The following EMC3 variants were observed in gnomAD, a reference collection of about 807,000 sequenced individuals.
The protein encoded by EMC3 is ER membrane protein complex subunit 3.
Under a neutral mutation model 36.6 loss-of-function variants are expected in EMC3, and 13 were observed. That is an observed-to-expected ratio of 0.35 (90% CI 0.23 to 0.56). EMC3 has a LOEUF of 0.56. Ranked by LOEUF, EMC3 falls within the 20% of genes least tolerant of loss-of-function variation. EMC3 has a pLI of 0.84. For missense variants in EMC3, 220 were observed against 324.5 expected, an observed-to-expected ratio of 0.68 and a Z score of 2.47; for synonymous variants, 120 against 111.9, an observed-to-expected ratio of 1.07 and a Z score of -0.46.
intron 1 of EMC3, chr3:10,003,075 C>CT (rs765856437): frequency 5.0e-5 from 23 of 456,796 alleles, no homozygotes; most frequent in African/African-American, 4.6e-4. Flanking sequence ...TGGCCTACCC[C>CT]TATACCCAGA....
At chr3:10,006,324 T>C (rs887297883) in intron 1 of EMC3, 1 of 152,210 alleles carries the variant, frequency 6.6e-6, no homozygotes, top group African/African-American at 2.4e-5. Context: ...TTTGCCTGTC[T>C]CTACCAAAGA....
chr3:9,964,175 A>G lies in EMC3; in HGVS notation c.680T>C (p.Leu227Pro). ...ATCTAGTGCCCACTGGTGATCCGTC[A>G]GCTCCAAAGCTTCCCACTCTGTCTG... is the stretch of plus-strand genomic sequence containing the variant. ...AFKTEWEALE[L>P]TDHQWALDDV... The change falls in exon 8 of 8, where the codon CTG becomes CCG. Residue 227 changes from leucine to proline, a missense_variant. By Grantham distance (98) the Leu-to-Pro change is moderately conservative. Transcript: ENST00000245046. 1 of 1,614,184 alleles carries G rather than the reference A, an allele frequency of 6.2e-7. No homozygotes were observed. The highest frequency in any genetic ancestry group is 1.1e-5 in the South Asian group (1 of 91,084).
chr3:9,997,025 C>T (rs1472275410), intron 1 of EMC3, among the ~76,000 whole-genome samples: 2 of 152,062 alleles, frequency 1.3e-5, no homozygotes, highest in Non-Finnish European at 2.9e-5. Flanking sequence ...TACCACTATC[C>T]ATTTCTAGAA....
upstream of EMC3, among the ~76,000 whole-genome samples, chr3:9,990,876 TGTAGTGCA>T (rs1273112741): frequency 2.0e-5 from 3 of 151,636 alleles, no homozygotes; most frequent in African/African-American, 7.3e-5. Context: ...TCGCCCAGGC[TGTAGTGCA>T]GTGGCACGAT....
chr3:9,975,144 C>A (rs920886302), intron 3 of EMC3, among the ~76,000 whole-genome samples: 1 of 152,090 alleles, frequency 6.6e-6, no homozygotes, highest in Non-Finnish European at 1.5e-5. Flanking sequence ...GGATTACAGG[C>A]GTCAGCCACC....
At chr3:9,981,728 C>T (rs902758313) in intron 1 of EMC3, 5 of 440,394 alleles carry the variant, frequency 1.1e-5, no homozygotes, top group African/African-American at 1.0e-4. Flanking sequence ...AGCCATTGCA[C>T]CAGGCCTGAA....
At chr3:9,973,116 A>G (rs967123221) in intron 5 of EMC3, among the ~76,000 whole-genome samples, 1 of 149,422 alleles carries the variant, frequency 6.7e-6, no homozygotes, top group Non-Finnish European at 1.5e-5. Flanking sequence ...GAGCCACCGC[A>G]CCCAGCCAGA....
At position 9,986,734 on chromosome 3, in the gene EMC3, G is replaced by C; in HGVS notation, c.-73C>G. On this transcript the variant is annotated 5_prime_UTR_variant, in exon 1 of 8. Transcript: ENST00000245046. ...TCCGGGGCACAGTTGCTTCTCTTCG[G>C]CTTCGCCTCCGGGCCTTCTCAAGCC... 2 of 1,587,396 alleles carry C rather than the reference G, an allele frequency of 1.3e-6. No individual in the cohort carries two copies. Among genetic ancestry groups the C allele is most frequent in the Middle Eastern group, 2.0e-4 (1 of 5,060 alleles).
chr3:9,970,790 A>G (rs2085777375), intron 5 of EMC3, 129 bp from the exon 6 acceptor site: 1 of 766,754 alleles, frequency 1.3e-6, no homozygotes, highest in Non-Finnish European at 2.2e-6. Flanking sequence ...ATATTCATCC[A>G]AAGCACAACC....
intron 1 of EMC3, among the ~76,000 whole-genome samples, chr3:10,007,936 C>T (rs2086281924): frequency 6.6e-6 from 1 of 152,286 alleles, no homozygotes; most frequent in Non-Finnish European, 1.5e-5. Context: ...AAGAACAGGA[C>T]CAGGAAGCAA....
intron 1 of EMC3, among the ~76,000 whole-genome samples, chr3:9,982,185 C>G (rs1000626481): frequency 1.3e-5 from 2 of 151,576 alleles, no homozygotes; most frequent in African/African-American, 4.9e-5. Flanking sequence ...CCTGACCTCA[C>G]GTGATCCACC....
In EMC3 at chr3:9,986,685, T is replaced by A. The variant is rs2085977127; in HGVS notation, c.-24A>T. 4 of 1,612,786 alleles carry A rather than the reference T, an allele frequency of 2.5e-6. No homozygotes were observed. On this transcript the variant is annotated 5_prime_UTR_variant, in exon 1 of 8. Coordinates refer to ENST00000245046, the MANE Select transcript of EMC3 (RefSeq NM_001394674.1). ...ATCTTCACTGAAAGCTGGTTCCCAG[T>A]CTGGAATGGGCGAGCTTCTCTTCTC... is the stretch of plus-strand genomic sequence containing the variant.
At chr3:9,986,930 G>T (rs2085981855), upstream of EMC3, 1 of 1,243,522 alleles carries the variant, frequency 8.0e-7, no homozygotes. Context: ...AACTATCGGC[G>T]GTGGCCCAGG....
At chr3:9,971,705 C>T (rs2085786964) in intron 5 of EMC3, among the ~76,000 whole-genome samples, 1 of 152,184 alleles carries the variant, frequency 6.6e-6, no homozygotes, top group Admixed American at 6.5e-5. Flanking sequence ...GTAGAATAGA[C>T]TCATGCTACT....
intron 1 of EMC3, among the ~76,000 whole-genome samples, chr3:9,980,159 G>A (rs868308926): frequency 9.2e-5 from 14 of 151,724 alleles, no homozygotes; most frequent in Non-Finnish European, 1.9e-4. Context: ...GGTTACAGGC[G>A]CGCACCACCA....
intron 5 of EMC3, among the ~76,000 whole-genome samples, chr3:9,972,502 G>A (rs2085797299): frequency 6.6e-6 from 1 of 150,604 alleles, no homozygotes; most frequent in Admixed American, 6.6e-5. Context: ...CAGGCGTGGT[G>A]GCTCATGCCT....
At chr3:10,005,445 T>C (rs2086252955) in intron 1 of EMC3, among the ~76,000 whole-genome samples, 1 of 152,048 alleles carries the variant, frequency 6.6e-6, no homozygotes, top group Non-Finnish European at 1.5e-5. Context: ...GCCAGGGACA[T>C]ACAAAGCCTC....
At position 9,963,767 on chromosome 3, in the gene EMC3, C is replaced by T. The variant is rs1271976565; in HGVS notation, c.*302G>A. On this transcript the variant is annotated 3_prime_UTR_variant, in exon 8 of 8. Coordinates refer to ENST00000245046, the MANE Select transcript of EMC3 (RefSeq NM_001394674.1). ...CTGGGATTACAGGCGTGAGCCACTG[C>T]GCCTGGCCAAGATTTTATATATTAT... 8 of 230,134 alleles carry T rather than the reference C, an allele frequency of 3.5e-5. No homozygotes were observed. The highest frequency in any genetic ancestry group is 1.1e-4 in the African/African-American group (5 of 43,518). The allele number at this position is 230,134 out of a possible 1,614,324, so 14.3% of individuals were successfully genotyped here. A position where few individuals can be genotyped will look rare whatever the true frequency, so the allele number is the denominator to read the frequency against.
chr3:9,986,542 G>A lies in EMC3; in HGVS notation c.120C>T (p.Ser40=). The stretch of plus-strand genomic sequence containing the variant: ...CTTGTTCCTGGGTGAGCTTCTTGTC[G>A]CTCTGCAGCAGGATGGACACGTAGT... The part of the protein sequence containing the change: ...IRHYVSILLQ[S]DKKLTQEQVS... The change falls in exon 1 of 8, where the codon AGC becomes AGT. Residue 40 remains serine (S), a synonymous_variant. Transcript: ENST00000245046. The A allele has an allele frequency of 6.2e-7, 1 of 1,614,176 alleles. No individual in the cohort carries two copies. Among genetic ancestry groups the A allele is most frequent in the Non-Finnish European group, 8.5e-7 (1 of 1,180,014 alleles).
Sources: allele counts gnomAD v4.1 joint callset (sites outside exome capture counted in the v4.1 genomes callset), GRCh38; gene constraint gnomAD v4.1.1; transcripts MANE v1.5; gene names NCBI Gene and HGNC (gene_info 2026-07-23, HGNC 2026-07-21).